BRINP3: variants seen among roughly 807,000 people sequenced by gnomAD.
The protein encoded by BRINP3 is BMP/retinoic acid-inducible neural-specific protein 3.
A neutral mutation model predicts 71.0 loss-of-function variants in BRINP3; 19 were observed. That is an observed-to-expected ratio of 0.27 (90% CI 0.19 to 0.39). The LOEUF is 0.39. BRINP3 is among the 10% of genes least tolerant of loss of function. BRINP3 has a pLI of 1.00. For missense variants in BRINP3, 959 were observed against 940.8 expected, an observed-to-expected ratio of 1.02 and a Z score of -0.25; for synonymous variants, 380 against 337.7, an observed-to-expected ratio of 1.13 and a Z score of -1.37.
At chr1:190,186,636 A>G (rs1254389601) in intron 6 of BRINP3, among the ~76,000 whole-genome samples, 1 of 152,070 alleles carries the variant, frequency 6.6e-6, no homozygotes, top group Non-Finnish European at 1.5e-5. Context: ...TTTCCAAAAC[A>G]CAAACCCTAT....
intron 7 of BRINP3, among the ~76,000 whole-genome samples, chr1:190,122,189 C>T (rs1171618112): frequency 6.6e-6 from 1 of 152,048 alleles, no homozygotes; most frequent in African/African-American, 2.4e-5. Flanking sequence ...GTTTAACTCA[C>T]TTACATAGCC....
chr1:190,325,933 G>A (rs768268517), intron 2 of BRINP3, among the ~76,000 whole-genome samples: 1 of 152,026 alleles, frequency 6.6e-6, no homozygotes, highest in African/African-American at 2.4e-5. Context: ...ACCTGTGTGA[G>A]TTCCCTGAAG....
intron 2 of BRINP3, among the ~76,000 whole-genome samples, chr1:190,321,567 G>T (rs1236847984): frequency 6.6e-6 from 1 of 151,918 alleles, no homozygotes; most frequent in East Asian, 1.9e-4. Flanking sequence ...TTAGCCAAAA[G>T]GTCTCTTGAT....
chr1:190,354,813 TC>T (rs1668626896), intron 2 of BRINP3, among the ~76,000 whole-genome samples: 1 of 151,420 alleles, frequency 6.6e-6, no homozygotes, highest in Admixed American at 6.6e-5. Flanking sequence ...CACCCTTTCA[TC>T]CATTTTTGTA....
chr1:190,239,969 T>C (rs947960133), intron 4 of BRINP3, among the ~76,000 whole-genome samples: 2 of 151,706 alleles, frequency 1.3e-5, no homozygotes, highest in African/African-American at 4.8e-5. Context: ...CTATTTTAAA[T>C]CATCTTAGAA....
chr1:190,289,840 A>G (rs1322560114), intron 2 of BRINP3, among the ~76,000 whole-genome samples: 1 of 151,996 alleles, frequency 6.6e-6, no homozygotes, highest in African/African-American at 2.4e-5. Flanking sequence ...CTCTTGTTAT[A>G]TGCACTCGTG....
chr1:190,387,609 C>T (rs1670993656), intron 2 of BRINP3, among the ~76,000 whole-genome samples: 1 of 151,872 alleles, frequency 6.6e-6, no homozygotes, highest in Non-Finnish European at 1.5e-5. Context: ...TTCAGGTGAG[C>T]ATGGGTTCCA....
chr1:190,190,023 A>G (rs1329868437), intron 6 of BRINP3, among the ~76,000 whole-genome samples: 1 of 152,118 alleles, frequency 6.6e-6, no homozygotes, highest in African/African-American at 2.4e-5. Flanking sequence ...AAGCTTAGGG[A>G]CATTGAGTTC....
rs74130774 is a variant in BRINP3, at chr1:190,471,695, A to G, written c.-51+5753T>C. Among the ~76,000 whole-genome samples the G allele has an allele frequency of 3.9e-3, 589 of 151,492 alleles. 4 individuals are homozygous for G. Among genetic ancestry groups the G allele is most frequent in the African/African-American group, 0.013 (528 of 41,534 alleles). On this transcript the variant is annotated intron_variant, in intron 1 of 7. Coordinates refer to ENST00000367462, the MANE Select transcript of BRINP3 (RefSeq NM_199051.3). Reference sequence around the variant, plus strand: ...TAAATGATTACATGAAAATATTTTAATCTTGTTCCCAATTAAGAGTAGAGA... The same window carrying G: ...TAAATGATTACATGAAAATATTTTAGTCTTGTTCCCAATTAAGAGTAGAGA...
At chr1:190,253,213 T>C (rs1660312587) in intron 4 of BRINP3, among the ~76,000 whole-genome samples, 1 of 152,200 alleles carries the variant, frequency 6.6e-6, no homozygotes, top group African/African-American at 2.4e-5. Flanking sequence ...GTCTTTGCTA[T>C]TGTGAATAGG....
chr1:190,413,905 A>T (rs1171046), intron 2 of BRINP3, among the ~76,000 whole-genome samples: 114,916 of 152,094 alleles, frequency 0.76, 43,607 homozygotes, highest in Non-Finnish European at 0.8. Flanking sequence ...ACTGAAAAAA[A>T]ATGTTAACAG....
At chr1:190,282,774 A>C (rs1663135148) in intron 2 of BRINP3, among the ~76,000 whole-genome samples, 1 of 152,010 alleles carries the variant, frequency 6.6e-6, no homozygotes, top group African/African-American at 2.4e-5. Flanking sequence ...AATAAAATAA[A>C]GACAGAAAAT....
chr1:190,130,534 C>A (rs1210308469), intron 7 of BRINP3, among the ~76,000 whole-genome samples: 1 of 151,942 alleles, frequency 6.6e-6, no homozygotes, highest in Non-Finnish European at 1.5e-5. Context: ...TCCTGTCCAC[C>A]ACACTTCCCC....
At chr1:190,306,505 C>A (rs1246652929) in intron 2 of BRINP3, among the ~76,000 whole-genome samples, 1 of 151,612 alleles carries the variant, frequency 6.6e-6, no homozygotes, top group Non-Finnish European at 1.5e-5. Context: ...TGTATATTAC[C>A]TCTTCAAGGT....
At chr1:190,417,418 C>T (rs1005542655) in intron 2 of BRINP3, among the ~76,000 whole-genome samples, 2 of 151,926 alleles carry the variant, frequency 1.3e-5, no homozygotes, top group Non-Finnish European at 2.9e-5. Context: ...TACAATATAC[C>T]TATTATCTAT....
chr1:190,277,087 T>TATATA lies in BRINP3; in HGVS notation c.427+4472_427+4473insTATAT, dbSNP rs1553276640. ...TTTGATCCTGAAATAAATTTTGGTT[T>TATATA]TATATATATATATATATATATATAT... On this transcript the variant is annotated intron_variant, in intron 3 of 7. Transcript: ENST00000367462. Among the ~76,000 whole-genome samples, 284 of 36,038 alleles carry TATATA rather than the reference T, an allele frequency of 7.9e-3. 2 individuals are homozygous for TATATA. Among genetic ancestry groups the TATATA allele is most frequent in the African/African-American group, 0.017 (269 of 15,824 alleles). 23.6% of individuals were successfully genotyped at this position (36,038 alleles called of 152,430 possible). A position where few individuals can be genotyped will look rare whatever the true frequency, so the allele number is the denominator to read the frequency against.
At chr1:190,453,921 A>G (rs1193837090) in intron 2 of BRINP3, among the ~76,000 whole-genome samples, 4 of 152,238 alleles carry the variant, frequency 2.6e-5, no homozygotes, top group Non-Finnish European at 2.9e-5. Context: ...ATAGCTTCAC[A>G]TAAAATGTTC....
chr1:190,144,038 G>A (rs1032286503), intron 7 of BRINP3, among the ~76,000 whole-genome samples: 4 of 152,232 alleles, frequency 2.6e-5, no homozygotes, highest in Non-Finnish European at 4.4e-5. Flanking sequence ...AGAGTATTAA[G>A]GGGAAAATCC....
At chr1:190,235,476 T>C (rs1658425856) in intron 4 of BRINP3, among the ~76,000 whole-genome samples, 1 of 152,088 alleles carries the variant, frequency 6.6e-6, no homozygotes, top group Non-Finnish European at 1.5e-5. Flanking sequence ...TTCATTCCAA[T>C]GTTTACAATC....
Sources: allele counts gnomAD v4.1 joint callset (sites outside exome capture counted in the v4.1 genomes callset), GRCh38; gene constraint gnomAD v4.1.1; transcripts MANE v1.5; gene names NCBI Gene and HGNC (gene_info 2026-07-23, HGNC 2026-07-21).